The following MAD1L1 variants were observed in gnomAD, a reference collection of about 807,000 sequenced individuals.
MAD1L1 encodes the protein mitotic spindle assembly checkpoint protein MAD1.
Under a neutral mutation model 96.9 loss-of-function variants are expected in MAD1L1, and 95 were observed. The ratio of observed to expected loss-of-function variants is 0.98; its 90% confidence interval spans 0.83 to 1.16. The LOEUF is 1.16. Among genes scored for constraint, MAD1L1 ranks in the 50% most tolerant of loss-of-function variants. The pLI, the probability that MAD1L1 is intolerant of heterozygous loss-of-function variation, is 0.00. For synonymous variants in MAD1L1, 473 were observed against 396.6 expected (o/e 1.19, Z -2.29); for missense variants, 1,007 against 954.4 (o/e 1.06, Z -0.73).
chr7:2,119,697 G>C lies in MAD1L1; in HGVS notation c.1073+29455C>G, dbSNP rs893146450. 2.6e-5 allele frequency among the ~76,000 whole-genome samples: 4 copies of C among 152,180 alleles called. No individual in the cohort carries two copies. The highest frequency in any genetic ancestry group is 4.8e-5 in the African/African-American group (2 of 41,420). ...GAGTGACAATGCACCCCGAAACCCA[G>C]AGTGCTCCTGAGGAGGGAGAGCCTG... On this transcript the variant is annotated intron_variant, in intron 11 of 18. Transcript: ENST00000265854. The surrounding 1 kb of genome is among the most constrained non-coding windows in gnomAD (Gnocchi z 4.6).
At chr7:1,940,978 C>G (rs1437215804) in intron 16 of MAD1L1, among the ~76,000 whole-genome samples, 2 of 150,980 alleles carry the variant, frequency 1.3e-5, no homozygotes, top group African/African-American at 4.9e-5. Flanking sequence ...GCCTCACCCT[C>G]CTCTTCCTCT....
chr7:1,850,207 C>T (rs1334838446), intron 18 of MAD1L1, among the ~76,000 whole-genome samples: 1 of 152,170 alleles, frequency 6.6e-6, no homozygotes, highest in African/African-American at 2.4e-5. Context: ...GCAGGCCTCC[C>T]CTTCTGGGGC....
intron 11 of MAD1L1, among the ~76,000 whole-genome samples, chr7:2,116,892 G>C (rs1787732915): frequency 6.6e-6 from 1 of 152,190 alleles, no homozygotes; most frequent in Non-Finnish European, 1.5e-5. Context: ...GTGTGCCCTT[G>C]GTAAAGAGGA....
intron 10 of MAD1L1, among the ~76,000 whole-genome samples, chr7:2,172,982 C>T (rs957276441): frequency 6.6e-6 from 1 of 152,232 alleles, no homozygotes; most frequent in East Asian, 1.9e-4. Context: ...TGCTAGCATG[C>T]CCCTGGCATT....
chr7:2,038,498 C>CTTTTTTTTTTTTTTTTTTTTTTTTTTT (rs60466584), intron 12 of MAD1L1, among the ~76,000 whole-genome samples: 1 of 92,826 alleles, frequency 1.1e-5, no homozygotes. Flanking sequence ...AAGCTGATGA[C>CTTTTTTTTTTTTTTTTTTTTTTTTTTT]TTTTTTTTTT....
intron 11 of MAD1L1, among the ~76,000 whole-genome samples, chr7:2,117,533 C>T (rs1207779927): frequency 6.6e-6 from 1 of 152,164 alleles, no homozygotes. Context: ...GGGCAGTTAC[C>T]CCCATACTGC....
intron 12 of MAD1L1, among the ~76,000 whole-genome samples, chr7:2,039,260 A>G (rs959147071): frequency 2.0e-5 from 3 of 152,234 alleles, no homozygotes; most frequent in African/African-American, 7.2e-5. Flanking sequence ...TTGTTTAACC[A>G]TCACCACCGA....
intron 17 of MAD1L1, among the ~76,000 whole-genome samples, chr7:1,929,690 C>T (rs1583820007): frequency 6.6e-6 from 1 of 151,088 alleles, no homozygotes; most frequent in East Asian, 1.9e-4. Flanking sequence ...GAGCTCTTGA[C>T]TCTGCAGCCC....
rs1193507770 is a variant in MAD1L1, at chr7:1,870,894, G to A, written c.1998+27306C>T. 2.1e-5 allele frequency among the ~76,000 whole-genome samples: 3 copies of A among 141,010 alleles called. No individual in the cohort carries two copies. In the East Asian group the frequency reaches 6.5e-4, roughly 31 times the overall value. The allele number at this position is 141,010 out of a possible 152,430, so 92.5% of individuals were successfully genotyped here. ...GAACCTAACATACGCCTGCCACGATGAACCTACCGTAACACCTGCCACGCT... is the reference window on the plus strand; with the variant it reads ...GAACCTAACATACGCCTGCCACGATAAACCTACCGTAACACCTGCCACGCT... On this transcript the variant is annotated intron_variant, in intron 18 of 18. Coordinates refer to ENST00000265854, the MANE Select transcript of MAD1L1 (RefSeq NM_001013836.2).
At chr7:1,876,220 T>C (rs1231345800) in intron 18 of MAD1L1, among the ~76,000 whole-genome samples, 3 of 152,164 alleles carry the variant, frequency 2.0e-5, no homozygotes, top group African/African-American at 7.2e-5. Flanking sequence ...CAGCCCCACC[T>C]AGGAAGCAAG....
chr7:1,956,001 CA>C (rs1213068851), intron 16 of MAD1L1, among the ~76,000 whole-genome samples: 14 of 131,672 alleles, frequency 1.1e-4, no homozygotes, highest in African/African-American at 4.1e-4. Context: ...GGTGGGGTGG[CA>C]GGGGGGAGCG....
intron 10 of MAD1L1, among the ~76,000 whole-genome samples, chr7:2,174,562 C>G (rs1315656475): frequency 5.9e-5 from 9 of 152,066 alleles, no homozygotes. Flanking sequence ...GTCCACAGAA[C>G]CCGATCCTCA....
chr7:1,888,680 A>G (rs1282891026), intron 18 of MAD1L1, among the ~76,000 whole-genome samples: 1 of 147,964 alleles, frequency 6.8e-6, no homozygotes, highest in Admixed American at 6.7e-5. Flanking sequence ...CTGTCTGTGC[A>G]TGTGTCCATG....
In MAD1L1 at chr7:1,893,566, TCTCCCTGCC is replaced by T. The variant is rs993937084; in HGVS notation, c.1998+4625_1998+4633del. ...TGGGGCAGGGGGCCTGTCTCCCTGC[TCTCCCTGCC>T]CTCCCACACTGGCCTCTGCCCTCCG... On this transcript the variant is annotated intron_variant, in intron 18 of 18. Transcript: ENST00000265854. Among the ~76,000 whole-genome samples the T allele has an allele frequency of 1.5e-4, 23 of 152,046 alleles. No homozygotes were observed. The East Asian group carries it at 3.5e-3, about 23-fold the overall frequency.
chr7:1,920,164 GC>G (rs1396366797), intron 17 of MAD1L1, among the ~76,000 whole-genome samples: 2 of 152,196 alleles, frequency 1.3e-5, no homozygotes, highest in East Asian at 3.8e-4. Context: ...TCCCCGGCTT[GC>G]CCCCAACCCT....
chr7:2,157,630 G>A (rs1789909566), intron 10 of MAD1L1, among the ~76,000 whole-genome samples: 1 of 152,114 alleles, frequency 6.6e-6, no homozygotes, highest in African/African-American at 2.4e-5. Flanking sequence ...TTGTGCCTGT[G>A]GGAAGAGAGG....
intron 17 of MAD1L1, among the ~76,000 whole-genome samples, chr7:1,919,857 T>A (rs933664363): frequency 3.8e-4 from 58 of 152,192 alleles, no homozygotes; most frequent in African/African-American, 1.4e-3. Flanking sequence ...AATTTAACTT[T>A]GATCAACAAA....
At chr7:2,217,313 G>A (rs1006570041) in intron 7 of MAD1L1, among the ~76,000 whole-genome samples, 6 of 152,168 alleles carry the variant, frequency 3.9e-5, no homozygotes, top group African/African-American at 1.2e-4. Context: ...AGAGTCCATC[G>A]CCCTGCCAGC....
chr7:1,848,605 G>A (rs1783771101), intron 18 of MAD1L1: 1 of 153,704 alleles, frequency 6.5e-6, no homozygotes, highest in African/African-American at 2.4e-5. Context: ...CCCTCAAGGG[G>A]CACCATGGAC....
Sources: gnomAD v4.1 joint callset for allele counts (sites outside exome capture counted in the v4.1 genomes callset) on GRCh38, gnomAD v4.1.1 for gene constraint, Gnocchi (gnomAD v3.1) non-coding constraint, MANE v1.5 for transcripts, NCBI Gene and HGNC (gene_info 2026-07-23, HGNC 2026-07-21) for gene names.